Variants in ERBIN observed in about 807,000 individuals in gnomAD.
ERBIN encodes densin-180-like protein.
In ERBIN, 60 loss-of-function variants were observed where a neutral mutation model predicts 158.4. The observed-to-expected ratio is 0.38, with a 90% CI of 0.31 to 0.47. The LOEUF (loss-of-function observed/expected upper bound fraction) is 0.47, where lower values mean the gene tolerates loss of function less well. ERBIN is among the 20% of genes least tolerant of loss of function. The pLI, the probability that ERBIN is intolerant of heterozygous loss-of-function variation, is 0.99. For missense variants in ERBIN, 1,610 were observed against 1,648.0 expected (o/e 0.98, Z 0.40); for synonymous variants, 594 against 557.2 (o/e 1.07, Z -0.93).
intron 4 of ERBIN, among the ~76,000 whole-genome samples, chr5:66,000,569 TAACTGTTCTTCCTC>T (rs763700393): frequency 6.6e-6 from 1 of 152,152 alleles, no homozygotes; most frequent in Non-Finnish European, 1.5e-5. Context: ...GAAAAGTACT[TAACTGTTCTTCCTC>T]AAGGAGGAAT....
At chr5:65,981,617 A>G (rs921144824) in intron 1 of ERBIN, among the ~76,000 whole-genome samples, 4 of 152,008 alleles carry the variant, frequency 2.6e-5, no homozygotes, top group African/African-American at 7.3e-5. Flanking sequence ...GGAAATAACT[A>G]TTTAAAAATT....
chr5:66,006,646 T>C (rs1753632300), intron 4 of ERBIN, among the ~76,000 whole-genome samples: 1 of 152,080 alleles, frequency 6.6e-6, no homozygotes, highest in South Asian at 2.1e-4. Flanking sequence ...TCTACTTATC[T>C]GACAAAGGGC....
Position 66,054,634 on chromosome 5 carries a change from T to C in ERBIN, c.3316T>C (p.Ser1106Pro), listed in dbSNP as rs1466180375. ...RAQIPEGDYL[S>P]YREFHSAGRT... Reference sequence around the variant, plus strand: ...TCAGATTCCTGAAGGAGATTATTTATCATACAGAGAGTTCCACTCAGCGGG... The same window carrying C: ...TCAGATTCCTGAAGGAGATTATTTACCATACAGAGAGTTCCACTCAGCGGG... Residue 1106 changes from serine to proline, a missense_variant, in exon 21 of 26, where the codon TCA (serine) becomes CCA (proline). By Grantham distance (74) the Ser-to-Pro change is moderately conservative. Transcript: ENST00000284037. 1 of 1,614,002 alleles carries C rather than the reference T, an allele frequency of 6.2e-7. No individual in the cohort carries two copies. Among genetic ancestry groups the C allele is most frequent in the Non-Finnish European group, 8.5e-7 (1 of 1,180,016 alleles).
chr5:65,995,247 C>G (rs1462154505), intron 4 of ERBIN, among the ~76,000 whole-genome samples: 1 of 152,122 alleles, frequency 6.6e-6, no homozygotes, highest in Admixed American at 6.5e-5. Context: ...AAACTGAAAT[C>G]TTATACCCTT....
intron 1 of ERBIN, among the ~76,000 whole-genome samples, chr5:65,962,168 G>A (rs1348030701): frequency 1.3e-5 from 2 of 152,164 alleles, no homozygotes; most frequent in African/African-American, 2.4e-5. Context: ...TCAAGAGTGA[G>A]TGCTTTTACA....
chr5:66,053,202 ATTAC>A (rs781103002), intron 20 of ERBIN, among the ~76,000 whole-genome samples, 200 bp from the exon 21 acceptor site: 39 of 152,194 alleles, frequency 2.6e-4, no homozygotes, highest in Non-Finnish European at 4.9e-4. Flanking sequence ...TTTTAATTGT[ATTAC>A]TTGTCTCCAA....
intron 1 of ERBIN, among the ~76,000 whole-genome samples, chr5:65,982,624 T>C (rs1413915265): frequency 1.3e-5 from 2 of 152,050 alleles, no homozygotes; most frequent in East Asian, 3.9e-4. Context: ...CATTTGTAAT[T>C]AGAAAAATGC....
rs1322805296 is a variant in ERBIN, at chr5:66,077,811, G to C, written c.4132-612G>C. ...ACACACACATACACACACACACACA[G>C]TCACACTCACTCATACAGTTATACA... On this transcript the variant is annotated intron_variant, in intron 25 of 25. Transcript: ENST00000284037. Among the ~76,000 whole-genome samples the C allele has an allele frequency of 7.4e-4, 87 of 116,986 alleles. 1 individual carries two copies. Among genetic ancestry groups the C allele is most frequent in the African/African-American group, 3.3e-3 (77 of 23,054 alleles). The allele number at this position is 116,986 out of a possible 152,430, so 76.7% of individuals were successfully genotyped here. A position where few individuals can be genotyped will look rare whatever the true frequency, so the allele number is the denominator to read the frequency against.
chr5:65,975,494 C>T (rs776343322), intron 1 of ERBIN, among the ~76,000 whole-genome samples: 3 of 152,078 alleles, frequency 2.0e-5, no homozygotes, highest in South Asian at 4.1e-4. Flanking sequence ...TTAGTAGAAA[C>T]GGGCTTTCAC....
intron 1 of ERBIN, among the ~76,000 whole-genome samples, chr5:65,937,311 A>G (rs1288992989): frequency 6.6e-6 from 1 of 152,178 alleles, no homozygotes; most frequent in Admixed American, 6.5e-5. Flanking sequence ...AGCTTTTTAA[A>G]TTTTGGCTTA....
intron 1 of ERBIN, among the ~76,000 whole-genome samples, chr5:65,949,897 C>A (rs1172236279): frequency 1.3e-5 from 2 of 152,106 alleles, no homozygotes; most frequent in Non-Finnish European, 2.9e-5. Flanking sequence ...GTCTCAAATT[C>A]CTGGCCTCAA....
At chr5:65,934,812 T>C (rs1269687746) in intron 1 of ERBIN, among the ~76,000 whole-genome samples, 1 of 152,222 alleles carries the variant, frequency 6.6e-6, no homozygotes, top group Non-Finnish European at 1.5e-5. Context: ...TGTACCTAGG[T>C]TTATCTTCGC....
intron 4 of ERBIN, among the ~76,000 whole-genome samples, chr5:66,001,866 A>G (rs1753040081): frequency 6.6e-6 from 1 of 152,050 alleles, no homozygotes; most frequent in Admixed American, 6.6e-5. Flanking sequence ...TTACATAGGT[A>G]TACACGTGCC....
At position 66,081,975 on chromosome 5, in the gene ERBIN, G is replaced by A. The variant is rs1762406131; in HGVS notation, c.*3445G>A. 6.6e-6 allele frequency: 1 copy of A among 151,656 alleles called. No homozygotes were observed. The highest frequency in any genetic ancestry group is 2.4e-5 in the African/African-American group (1 of 41,334). 9.4% of individuals were successfully genotyped at this position (151,656 alleles called of 1,614,324 possible). On this transcript the variant is annotated 3_prime_UTR_variant, in exon 26 of 26. Transcript: ENST00000284037. Reference sequence around the variant, plus strand: ...GGGTATTCCTTTGTTTCTAAATAAGGACCTTCAGAAAAAGTTGACCATATT... The same window carrying A: ...GGGTATTCCTTTGTTTCTAAATAAGAACCTTCAGAAAAAGTTGACCATATT...
chr5:65,992,997 A>G, intron 3 of ERBIN, 90 bp downstream of exon 3: 2 of 1,054,514 alleles, frequency 1.9e-6, no homozygotes, highest in South Asian at 2.2e-5. Flanking sequence ...AGTTGCCAAT[A>G]TATTTGTGTG....
rs575903967 is a variant in ERBIN at position 66,032,154 on chromosome 5, AAAGGTAGAAAACGAGGCTACT to A, written c.1206+3816_1206+3836del. Among the ~76,000 whole-genome samples the A allele has an allele frequency of 2.3e-3, 352 of 152,346 alleles. 2 individuals are homozygous for A. The highest frequency in any genetic ancestry group is 7.8e-3 in the African/African-American group (326 of 41,578). On this transcript the variant is annotated intron_variant, in intron 14 of 25. Transcript: ENST00000284037. ...GACAAGAGTGTAACAGTGAGACGGAAAAGGTAGAAAACGAGGCTACTAAGGCAGATAGAGATCAGTTGGTGG... is the reference window on the plus strand; with the variant it reads ...GACAAGAGTGTAACAGTGAGACGGAAAAGGCAGATAGAGATCAGTTGGTGG...
chr5:66,044,374 A>G (rs1457168794), intron 17 of ERBIN, 64 bp downstream of exon 17: 10 of 1,435,848 alleles, frequency 7.0e-6, no homozygotes, highest in Non-Finnish European at 9.4e-6. Flanking sequence ...ATGACAGTTG[A>G]TATAGTGCCC....
Position 65,980,842 on chromosome 5 carries a change from A to G in ERBIN, c.-57-7793A>G, listed in dbSNP as rs73762638. Among the ~76,000 whole-genome samples the G allele has an allele frequency of 4.2e-3, 643 of 152,310 alleles. 4 individuals carry two copies. The highest frequency in any genetic ancestry group is 0.015 in the African/African-American group (612 of 41,570). On this transcript the variant is annotated intron_variant, in intron 1 of 25. Coordinates refer to ENST00000284037, the MANE Select transcript of ERBIN (RefSeq NM_001253697.2). ...TGAAATAAATATAAAAGAATAGACA[A>G]ATTTACAACTATAGTTAAGAGATGC...
intron 1 of ERBIN, among the ~76,000 whole-genome samples, chr5:65,932,656 T>C (rs1242354706): frequency 1.3e-5 from 2 of 152,214 alleles, no homozygotes; most frequent in Non-Finnish European, 2.9e-5. Flanking sequence ...TTTTTTTTCT[T>C]GTCTGTTCGT....
Sources: gnomAD v4.1 joint callset for allele counts (sites outside exome capture counted in the v4.1 genomes callset) on GRCh38, gnomAD v4.1.1 for gene constraint, MANE v1.5 for transcripts, NCBI Gene and HGNC (gene_info 2026-07-23, HGNC 2026-07-21) for gene names.